PIERCE2: variants seen among roughly 807,000 people sequenced by gnomAD.
The protein encoded by PIERCE2 is piercer of microtubule wall 2 protein.
the PIERCE2 span, among the ~76,000 whole-genome samples, chr15:55,412,984 T>C: frequency 2.0e-5 from 3 of 152,026 alleles, no homozygotes; most frequent in Admixed American, 1.3e-4. Context: ...TTATAAAAAT[T>C]AAGGCTGGGC....
the PIERCE2 span, chr15:55,408,710 C>T: frequency 1.5e-6 from 2 of 1,294,218 alleles, no homozygotes; most frequent in African/African-American, 1.5e-5. Flanking sequence ...CACCGGCTTT[C>T]TTGCCATCTG....
chr15:55,415,977 T>G, the PIERCE2 span, among the ~76,000 whole-genome samples: 1 of 152,238 alleles, frequency 6.6e-6, no homozygotes, highest in South Asian at 2.1e-4. Flanking sequence ...AGTAATGCTG[T>G]GAATTAAATT....
At chr15:55,409,158 C>G in the PIERCE2 span, among the ~76,000 whole-genome samples, 1 of 152,190 alleles carries the variant, frequency 6.6e-6, no homozygotes, top group Admixed American at 6.5e-5. Flanking sequence ...GTAATCCCAG[C>G]AATTTGGGAG....
the PIERCE2 span, chr15:55,418,391 T>G: frequency 6.5e-7 from 1 of 1,534,648 alleles, no homozygotes; most frequent in Non-Finnish European, 8.7e-7. Context: ...TAAAACCAAT[T>G]CAAGTCATTA....
At chr15:55,415,706 A>G in the PIERCE2 span, among the ~76,000 whole-genome samples, 26 of 152,296 alleles carry the variant, frequency 1.7e-4, no homozygotes, top group South Asian at 5.0e-3. Flanking sequence ...ATGCTTTTCC[A>G]TAAAATGTCT....
chr15:55,418,648 TAAAG>T, the PIERCE2 span: 28 of 977,264 alleles, frequency 2.9e-5, no homozygotes, highest in African/African-American at 4.9e-5. Flanking sequence ...GAATACCTAA[TAAAG>T]AAGATAAAAA....
At chr15:55,411,828 G>A in the PIERCE2 span, among the ~76,000 whole-genome samples, 65,284 of 151,948 alleles carry the variant, frequency 0.43, 15,164 homozygotes, top group East Asian at 0.74. Flanking sequence ...GTCTGAGGCA[G>A]GAGAATGGCT....
the PIERCE2 span, among the ~76,000 whole-genome samples, chr15:55,409,614 T>G: frequency 6.6e-6 from 1 of 152,196 alleles, no homozygotes; most frequent in African/African-American, 2.4e-5. Context: ...TATTTTTGCT[T>G]TTCTATTAAC....
chr15:55,417,796 C>G, the PIERCE2 span: 1 of 217,676 alleles, frequency 4.6e-6, no homozygotes, highest in Non-Finnish European at 9.1e-6. Context: ...TGGGTGGAGG[C>G]GGGCTGAGTC....
the PIERCE2 span, among the ~76,000 whole-genome samples, chr15:55,413,606 A>G: frequency 6.6e-6 from 1 of 151,580 alleles, no homozygotes; most frequent in Non-Finnish European, 1.5e-5. Context: ...TAAAAATACA[A>G]AATTAGCTGG....
At chr15:55,412,154 C>T in the PIERCE2 span, among the ~76,000 whole-genome samples, 1 of 147,470 alleles carries the variant, frequency 6.8e-6, no homozygotes, top group East Asian at 2.0e-4. Context: ...CCATTTACAT[C>T]AAATTTTCTT....
the PIERCE2 span, chr15:55,408,838 T>TA: frequency 7.2e-7 from 1 of 1,396,294 alleles, no homozygotes; most frequent in South Asian, 1.3e-5. Flanking sequence ...TTCGCTAGTA[T>TA]AATTTGAGGC....
the PIERCE2 span, among the ~76,000 whole-genome samples, chr15:55,412,362 T>C: frequency 6.7e-6 from 1 of 149,668 alleles, no homozygotes; most frequent in Non-Finnish European, 1.5e-5. Context: ...CATGAAAACA[T>C]AGTATACTAC....
At chr15:55,408,579 A>G in the PIERCE2 span, 3 of 406,658 alleles carry the variant, frequency 7.4e-6, no homozygotes, top group African/African-American at 6.2e-5. Context: ...TCGTGGTTTC[A>G]CCCGGGAAAA....
the PIERCE2 span, among the ~76,000 whole-genome samples, chr15:55,414,460 C>T: frequency 2.6e-5 from 4 of 151,980 alleles, no homozygotes; most frequent in South Asian, 2.1e-4. Context: ...ATCCACCGCA[C>T]TCGGCCTAGA....
chr15:55,416,431 C>T, the PIERCE2 span, among the ~76,000 whole-genome samples: 1 of 152,020 alleles, frequency 6.6e-6, no homozygotes, highest in Non-Finnish European at 1.5e-5. Context: ...ATCAAGCCAT[C>T]ATCAATGCAA....
At chr15:55,408,591 A>C in the PIERCE2 span, 2 of 409,788 alleles carry the variant, frequency 4.9e-6, no homozygotes, top group African/African-American at 4.1e-5. Flanking sequence ...CCGGGAAAAC[A>C]GCTCCCCGGA....
At chr15:55,413,492 C>T in the PIERCE2 span, among the ~76,000 whole-genome samples, 1 of 151,458 alleles carries the variant, frequency 6.6e-6, no homozygotes, top group Admixed American at 6.6e-5. Flanking sequence ...GCCGTGGTGT[C>T]TCACGCCTGT....
chr15:55,416,973 CACAAAACAAA>C, the PIERCE2 span, among the ~76,000 whole-genome samples: 1 of 151,854 alleles, frequency 6.6e-6, no homozygotes, highest in Admixed American at 6.6e-5. Flanking sequence ...AAAACAAACA[CACAAAACAAA>C]ACAAAACAAA....
Sources: gnomAD v4.1 joint callset for allele counts (sites outside exome capture counted in the v4.1 genomes callset) on GRCh38, gnomAD v4.1.1 for gene constraint, MANE v1.5 for transcripts, NCBI Gene and HGNC (gene_info 2026-07-23, HGNC 2026-07-21) for gene names.